The following WDR59 variants were observed in gnomAD, a reference collection of about 807,000 sequenced individuals.
WDR59 encodes the protein GATOR2 complex protein WDR59.
In WDR59, 100 loss-of-function variants were observed where a neutral mutation model predicts 131.2. The observed-to-expected ratio is 0.76, with a 90% confidence interval of 0.65 to 0.90. The LOEUF is 0.90. WDR59 is among the 40% of genes least tolerant of loss of function. The probability of loss-of-function intolerance (pLI) is 0.00; values close to 1 mark genes in which losing one functional copy is unlikely to be tolerated. For synonymous variants in WDR59, 601 were observed against 466.2 expected, an observed-to-expected ratio of 1.29 and a Z score of -3.72; for missense variants, 1,203 against 1,262.2, an observed-to-expected ratio of 0.95 and a Z score of 0.71.
chr16:74,893,833 G>A lies in WDR59; in HGVS notation c.1867-21C>T, dbSNP rs761744934. 10 of 1,612,588 alleles carry A rather than the reference G, an allele frequency of 6.2e-6. No individual in the cohort carries two copies. The East Asian group carries it at 2.0e-4, about 32-fold the overall frequency. ...GATTTCTAGGGGTAGATGACAGGAT[G>A]TAACTAATGGGGACTTTGACAAGTG... is the stretch of plus-strand genomic sequence containing the variant. On this transcript the variant is annotated intron_variant, in intron 18 of 25. Coordinates refer to ENST00000262144, the MANE Select transcript of WDR59 (RefSeq NM_030581.4).
intron 8 of WDR59, among the ~76,000 whole-genome samples, chr16:74,927,908 C>CTTTTTT (rs539167503): frequency 1.8e-4 from 22 of 124,486 alleles, no homozygotes; most frequent in East Asian, 7.1e-4. Context: ...TTCTTTCTTT[C>CTTTTTT]TTTTTTTTTT....
intron 14 of WDR59, 75 bp downstream of exon 14, chr16:74,912,123 T>A (rs1030023819): frequency 1.3e-6 from 2 of 1,596,206 alleles, no homozygotes; most frequent in Non-Finnish European, 8.6e-7. Context: ...CTACTGGAGT[T>A]TTCATTCTTC....
At chr16:74,943,333 T>G (rs2032374820) in intron 6 of WDR59, among the ~76,000 whole-genome samples, 1 of 151,940 alleles carries the variant, frequency 6.6e-6, no homozygotes, top group Non-Finnish European at 1.5e-5. Context: ...GTTGACCAAT[T>G]CTGTCCTAAG....
intron 25 of WDR59, among the ~76,000 whole-genome samples, chr16:74,877,136 T>G (rs1177569167): frequency 6.6e-6 from 1 of 152,132 alleles, no homozygotes; most frequent in Non-Finnish European, 1.5e-5. Flanking sequence ...ATTAAAACGA[T>G]CAATCAACGC....
At position 74,893,703 on chromosome 16, in the gene WDR59, T is replaced by G. The variant is rs1286422339; in HGVS notation, c.1976A>C (p.His659Pro). The change falls in exon 19 of 26, where the codon CAC (histidine) becomes CCC (proline). Residue 659 changes from histidine to proline, a missense_variant. By Grantham distance (77) the His-to-Pro change is moderately conservative. Coordinates refer to ENST00000262144, the MANE Select transcript of WDR59 (RefSeq NM_030581.4). ...IQDIACLLPV[H>P]KSLGELYILN... is the part of the protein sequence containing the mutation. The stretch of plus-strand genomic sequence containing the variant: ...CATGTACAGCTCTCCCAGCGATTTG[T>G]GAACAGGCAGGAGGCAAGCAATATC... The G allele has an allele frequency of 1.2e-6, 2 of 1,614,158 alleles. No individual in the cohort carries two copies. The highest frequency in any genetic ancestry group is 1.7e-6 in the Non-Finnish European group (2 of 1,180,012).
At chr16:74,880,446 C>CGG (rs1428936516) in intron 25 of WDR59, among the ~76,000 whole-genome samples, 2 of 151,374 alleles carry the variant, frequency 1.3e-5, no homozygotes, top group African/African-American at 4.9e-5. Context: ...GACTCTGTCT[C>CGG]CAAAAATAAA....
intron 25 of WDR59, among the ~76,000 whole-genome samples, chr16:74,883,047 CAG>C (rs1211249687): frequency 1.9e-5 from 2 of 105,312 alleles, no homozygotes; most frequent in Non-Finnish European, 3.5e-5. Flanking sequence ...TTTTTTGAGA[CAG>C]AGTCTCACTC....
In WDR59 at chr16:74,888,285, T is replaced by A; in HGVS notation, c.2230A>T (p.Thr744Ser). 6.2e-7 allele frequency: 1 copy of A among 1,613,760 alleles called. No homozygotes were observed. Among genetic ancestry groups the A allele is most frequent in the Non-Finnish European group, 8.5e-7 (1 of 1,179,868 alleles). ...AACACGCTACAGAGCATCGCCAGTG[T>A]CTGAACATCCCGGAGCCGGCAATAG... is the stretch of plus-strand genomic sequence containing the variant. ...AHYCRLRDVQ[T>S]LAMLCSVFEA... is the part of the protein sequence containing the mutation. The change falls in exon 22 of 26, where the codon ACA becomes TCA. Residue 744 changes from threonine (T) to serine (S), a missense_variant. Coordinates refer to ENST00000262144, the MANE Select transcript of WDR59 (RefSeq NM_030581.4).
chr16:74,941,951 G>A (rs1040102867), intron 7 of WDR59, among the ~76,000 whole-genome samples: 1 of 152,116 alleles, frequency 6.6e-6, no homozygotes, highest in African/African-American at 2.4e-5. Context: ...CAATGCCTGA[G>A]CATCTGTAGC....
At chr16:74,954,760 C>T (rs1379814023) in intron 3 of WDR59, among the ~76,000 whole-genome samples, 3 of 152,168 alleles carry the variant, frequency 2.0e-5, no homozygotes, top group African/African-American at 7.2e-5. Context: ...AACAATTACA[C>T]AATGGAATAT....
Position 74,950,328 on chromosome 16 carries a change from AAAACAAAC to A in WDR59, c.327-538_327-531del, listed in dbSNP as rs377750138. Among the ~76,000 whole-genome samples the A allele has an allele frequency of 4.1e-4, 62 of 152,096 alleles. 1 individual carries two copies. Among genetic ancestry groups the A allele is most frequent in the Non-Finnish European group, 7.1e-4 (48 of 68,028 alleles). On this transcript the variant is annotated intron_variant, in intron 4 of 25. Transcript: ENST00000262144. Reference sequence around the variant, plus strand: ...GGCAACAAGAGTGAAACTCCATCTCAAAACAAACAAACAAACAAACAAACAAACAAAAT... The same window carrying A: ...GGCAACAAGAGTGAAACTCCATCTCAAAACAAACAAACAAACAAACAAAAT...
intron 1 of WDR59, among the ~76,000 whole-genome samples, chr16:74,979,309 CAA>C (rs1411975709): frequency 6.6e-6 from 1 of 151,260 alleles, no homozygotes; most frequent in African/African-American, 2.4e-5. Context: ...CTAAAAAATA[CAA>C]AAAAATTAGC....
intron 17 of WDR59, among the ~76,000 whole-genome samples, chr16:74,906,455 C>G (rs1384864882): frequency 6.6e-6 from 1 of 152,000 alleles, no homozygotes; most frequent in East Asian, 1.9e-4. Flanking sequence ...GTAAATGGCA[C>G]AACCACTGTG....
chr16:74,984,509 C>G (rs895516645), intron 1 of WDR59: 6 of 198,472 alleles, frequency 3.0e-5, no homozygotes, highest in African/African-American at 1.2e-4. Context: ...CGCGTAGACG[C>G]TGCAACAGGC....
At chr16:74,888,456 A>G in intron 21 of WDR59, 137 bp from the exon 22 acceptor site, 1 of 926,642 alleles carries the variant, frequency 1.1e-6, no homozygotes, top group Admixed American at 3.1e-5. Flanking sequence ...CCATCAGGAA[A>G]TGGGGCTTTC....
At chr16:74,939,393 C>T (rs1017986029) in intron 7 of WDR59, among the ~76,000 whole-genome samples, 2 of 152,044 alleles carry the variant, frequency 1.3e-5, no homozygotes, top group Non-Finnish European at 2.9e-5. Context: ...AATCAATATA[C>T]TACAGCTATG....
At chr16:74,915,384 G>T (rs1197789279) in intron 13 of WDR59, 1 of 152,368 alleles carries the variant, frequency 6.6e-6, no homozygotes, top group African/African-American at 2.4e-5. Context: ...TAGAAAGAAA[G>T]TCTGCATCTC....
At chr16:74,926,306 C>A (rs1413724757) in intron 8 of WDR59, among the ~76,000 whole-genome samples, 1 of 152,134 alleles carries the variant, frequency 6.6e-6, no homozygotes, top group African/African-American at 2.4e-5. Context: ...GATCTGCCCA[C>A]CTCGGCCTCC....
At chr16:74,930,228 ATG>A (rs1272242708) in intron 8 of WDR59, among the ~76,000 whole-genome samples, 1 of 152,208 alleles carries the variant, frequency 6.6e-6, no homozygotes, top group Non-Finnish European at 1.5e-5. Flanking sequence ...AAAATGATAA[ATG>A]CTTGAGGTGA....
Sources: gnomAD v4.1 joint callset for allele counts (sites outside exome capture counted in the v4.1 genomes callset) on GRCh38, gnomAD v4.1.1 for gene constraint, MANE v1.5 for transcripts, NCBI Gene and HGNC (gene_info 2026-07-23, HGNC 2026-07-21) for gene names.